MAF: variants seen among roughly 807,000 people sequenced by gnomAD.
MAF encodes the protein transcription factor Maf.
MAF carries 10 observed loss-of-function variants against 22.0 expected under a neutral mutation model. The observed-to-expected ratio is 0.45, with a 90% confidence interval of 0.28 to 0.77. The LOEUF (loss-of-function observed/expected upper bound fraction) is 0.77, where lower values mean the gene tolerates loss of function less well. Among genes scored for constraint, MAF ranks in the 30% least tolerant of loss-of-function variants. The probability of loss-of-function intolerance (pLI) is 0.12; values close to 1 mark genes in which losing one functional copy is unlikely to be tolerated. For missense variants in MAF, 544 were observed against 548.4 expected (o/e 0.99, Z 0.08); for synonymous variants, 337 against 255.8 (o/e 1.32, Z -3.03).
the MAF span, among the ~76,000 whole-genome samples, chr16:79,452,663 C>G: frequency 1.3e-5 from 2 of 152,112 alleles, no homozygotes. Flanking sequence ...ATTTGGGCAC[C>G]TAGATTCCAT....
At chr16:79,297,153 G>C in the MAF span, among the ~76,000 whole-genome samples, 2 of 152,102 alleles carry the variant, frequency 1.3e-5, no homozygotes, top group African/African-American at 4.8e-5. Flanking sequence ...CATGTTATAA[G>C]GCCCTGCTCC....
At chr16:79,252,966 C>A in the MAF span, among the ~76,000 whole-genome samples, 1 of 152,202 alleles carries the variant, frequency 6.6e-6, no homozygotes, top group Non-Finnish European at 1.5e-5. Flanking sequence ...CGTAAAACTG[C>A]TCTAAAACAA....
the MAF span, among the ~76,000 whole-genome samples, chr16:79,521,369 A>T: frequency 6.6e-6 from 1 of 152,256 alleles, no homozygotes; most frequent in East Asian, 1.9e-4. Flanking sequence ...AATATAGCAC[A>T]TTGATCTTTA....
chr16:79,347,861 T>C, the MAF span, among the ~76,000 whole-genome samples: 3 of 152,062 alleles, frequency 2.0e-5, no homozygotes, highest in Admixed American at 2.0e-4. Flanking sequence ...GCGAGAACAG[T>C]GGGTCAAGTG....
chr16:79,268,315 G>A, the MAF span, among the ~76,000 whole-genome samples: 3 of 152,218 alleles, frequency 2.0e-5, no homozygotes, highest in Admixed American at 1.3e-4. Flanking sequence ...GGGCTTGTAG[G>A]AAACCTCTGT....
At chr16:79,553,634 C>G in the MAF span, among the ~76,000 whole-genome samples, 2 of 152,184 alleles carry the variant, frequency 1.3e-5, no homozygotes, top group Non-Finnish European at 2.9e-5. Context: ...CCCAAAAATG[C>G]CAGAGCCTCA....
chr16:79,282,041 G>A, the MAF span, among the ~76,000 whole-genome samples: 1 of 152,148 alleles, frequency 6.6e-6, no homozygotes, highest in Non-Finnish European at 1.5e-5. Flanking sequence ...AGTGGCTCAT[G>A]CCTGTAATAC....
At chr16:79,267,661 A>G in the MAF span, among the ~76,000 whole-genome samples, 1 of 152,160 alleles carries the variant, frequency 6.6e-6, no homozygotes, top group South Asian at 2.1e-4. Context: ...TTTGGGCAAG[A>G]CACTTCATCT....
intron 1 of MAF, among the ~76,000 whole-genome samples, chr16:79,588,427 T>TTTTC (rs780058625): frequency 1.4e-4 from 22 of 152,106 alleles, no homozygotes; most frequent in Admixed American, 3.3e-4. Context: ...GATTTTTCTC[T>TTTTC]TTTCTTTCTT....
the MAF span, among the ~76,000 whole-genome samples, chr16:79,547,816 C>T: frequency 6.6e-6 from 1 of 151,954 alleles, no homozygotes; most frequent in Admixed American, 6.6e-5. Context: ...CTTTTTTCTC[C>T]TCTGTCTCCT....
chr16:79,354,930 T>C, the MAF span, among the ~76,000 whole-genome samples: 28 of 152,048 alleles, frequency 1.8e-4, no homozygotes, highest in African/African-American at 6.5e-4. Flanking sequence ...AAAAAATAAG[T>C]GGGAGAGAGA....
At chr16:79,516,473 G>C in the MAF span, among the ~76,000 whole-genome samples, 1 of 152,200 alleles carries the variant, frequency 6.6e-6, no homozygotes, top group African/African-American at 2.4e-5. Context: ...CAGGCTCAGA[G>C]AGGATGAATG....
At chr16:79,215,445 G>A in the MAF span, among the ~76,000 whole-genome samples, 64,442 of 152,098 alleles carry the variant, frequency 0.42, 15,418 homozygotes, top group Non-Finnish European at 0.56. Context: ...TTTGGTGGAA[G>A]TGAAAGTAAA....
the MAF span, among the ~76,000 whole-genome samples, chr16:79,233,398 A>G: frequency 1.3e-5 from 2 of 152,022 alleles, no homozygotes; most frequent in African/African-American, 4.8e-5. Context: ...AGGTGGTAAC[A>G]TTACACTGGA....
At chr16:79,421,469 AC>A in the MAF span, among the ~76,000 whole-genome samples, 1 of 152,170 alleles carries the variant, frequency 6.6e-6, no homozygotes, top group Non-Finnish European at 1.5e-5. Context: ...TTGGATTCAT[AC>A]AGTATGTAGT....
chr16:79,272,635 C>T, the MAF span, among the ~76,000 whole-genome samples: 1 of 152,226 alleles, frequency 6.6e-6, no homozygotes, highest in Non-Finnish European at 1.5e-5. Flanking sequence ...TTATGACCTT[C>T]AGAGAAGACC....
chr16:79,203,322 T>C, the MAF span: 1 of 152,228 alleles, frequency 6.6e-6, no homozygotes, highest in African/African-American at 2.4e-5. Flanking sequence ...GAGCTCTGTA[T>C]GGAAATCCAC....
At chr16:79,315,781 T>C in the MAF span, among the ~76,000 whole-genome samples, 1 of 152,240 alleles carries the variant, frequency 6.6e-6, no homozygotes, top group Non-Finnish European at 1.5e-5. Context: ...AGAGCTGTCC[T>C]ACTCCAAAGC....
At chr16:79,412,023 T>C in the MAF span, among the ~76,000 whole-genome samples, 2 of 152,242 alleles carry the variant, frequency 1.3e-5, no homozygotes, top group African/African-American at 4.8e-5. Flanking sequence ...TGCGACACCT[T>C]GCTTCCCTTG....
Sources: gnomAD v4.1 joint callset for allele counts (sites outside exome capture counted in the v4.1 genomes callset) on GRCh38, gnomAD v4.1.1 for gene constraint, MANE v1.5 for transcripts, NCBI Gene and HGNC (gene_info 2026-07-23, HGNC 2026-07-21) for gene names.